ENOX1: variants seen among roughly 807,000 people sequenced by gnomAD.
ENOX1 encodes candidate growth-related and time keeping constitutive hydroquinone (NADH) oxidase.
ENOX1 carries 42 observed loss-of-function variants against 82.5 expected under a neutral mutation model. The ratio of observed to expected loss-of-function variants is 0.51; its 90% confidence interval spans 0.40 to 0.66. The LOEUF (loss-of-function observed/expected upper bound fraction) is 0.66, where lower values mean the gene tolerates loss of function less well. Among genes scored for constraint, ENOX1 ranks in the 30% least tolerant of loss-of-function variants. The pLI is 0.00. For missense variants in ENOX1, 608 were observed against 811.6 expected, an observed-to-expected ratio of 0.75 and a Z score of 3.05; for synonymous variants, 271 against 282.2, an observed-to-expected ratio of 0.96 and a Z score of 0.40.
intron 11 of ENOX1, among the ~76,000 whole-genome samples, chr13:43,313,038 T>C (rs2047296323): frequency 6.6e-6 from 1 of 152,220 alleles, no homozygotes; most frequent in Admixed American, 6.5e-5. Context: ...ATGGTATCAC[T>C]GAAGGCATTT....
intron 5 of ENOX1, among the ~76,000 whole-genome samples, chr13:43,392,401 G>T (rs535081126): frequency 6.6e-6 from 1 of 152,202 alleles, no homozygotes; most frequent in Non-Finnish European, 1.5e-5. Context: ...GTATGAGGCC[G>T]GGTGCACTGG....
intron 11 of ENOX1, among the ~76,000 whole-genome samples, chr13:43,315,156 T>C (rs2047407484): frequency 6.6e-6 from 1 of 152,350 alleles, no homozygotes. Context: ...TGTAATGTTA[T>C]AACACAATTT....
chr13:43,701,684 T>C (rs945435054), intron 1 of ENOX1, among the ~76,000 whole-genome samples: 2 of 152,196 alleles, frequency 1.3e-5, no homozygotes, highest in East Asian at 3.8e-4. Context: ...GGGATTTTTA[T>C]CTTTCAGGAT....
chr13:43,443,381 G>C (rs866434133), intron 3 of ENOX1, among the ~76,000 whole-genome samples: 5 of 152,150 alleles, frequency 3.3e-5, no homozygotes, highest in Non-Finnish European at 7.4e-5. Context: ...GGAAATTTCA[G>C]AAGACTATGA....
chr13:43,285,154 G>A (rs980164765), intron 12 of ENOX1, among the ~76,000 whole-genome samples: 4 of 152,138 alleles, frequency 2.6e-5, no homozygotes, highest in Non-Finnish European at 5.9e-5. Context: ...GTTAAACAGA[G>A]GAGAAAACAT....
intron 5 of ENOX1, among the ~76,000 whole-genome samples, chr13:43,361,830 T>C (rs9533461): frequency 0.39 from 58,597 of 151,938 alleles, 13,188 homozygotes; most frequent in Middle Eastern, 0.51. Context: ...TCATTTAACA[T>C]TGAAGTGCTC....
At position 43,643,648 on chromosome 13, in the gene ENOX1, T is replaced by TATAC. The variant is rs1291878348; in HGVS notation, c.-219+23830_-219+23831insGTAT. Among the ~76,000 whole-genome samples, 39 of 150,132 alleles carry TATAC rather than the reference T, an allele frequency of 2.6e-4. No homozygotes were observed. In the East Asian group the frequency reaches 6.6e-3, roughly 26 times the overall value. On this transcript the variant is annotated intron_variant, in intron 2 of 16. Transcript: ENST00000690772. ...ATGTGTGTGTGTATATATATATATA[T>TATAC]ACACACACATATATATATACATGCA...
intron 2 of ENOX1, among the ~76,000 whole-genome samples, chr13:43,623,287 G>A (rs958321625): frequency 2.6e-5 from 4 of 152,102 alleles, no homozygotes; most frequent in South Asian, 4.1e-4. Flanking sequence ...TTCTCATCCC[G>A]TTCAAATTGT....
chr13:43,342,323 G>A (rs899599797), intron 9 of ENOX1, among the ~76,000 whole-genome samples: 1 of 152,056 alleles, frequency 6.6e-6, no homozygotes, highest in African/African-American at 2.4e-5. Flanking sequence ...AGAAACAATG[G>A]GACTTCTTGA....
intron 10 of ENOX1, among the ~76,000 whole-genome samples, chr13:43,324,079 T>G (rs35417385): frequency 0.2 from 30,618 of 152,100 alleles, 4,032 homozygotes; most frequent in East Asian, 0.58. Context: ...CCACCCAGAA[T>G]AAACAGGTGC....
At chr13:43,460,576 C>T (rs1470002137) in intron 3 of ENOX1, among the ~76,000 whole-genome samples, 3 of 151,942 alleles carry the variant, frequency 2.0e-5, no homozygotes, top group East Asian at 1.9e-4. Context: ...TGAGGGATCA[C>T]GAGGTCAGGA....
In ENOX1 at chr13:43,760,208, T is replaced by G. The variant is rs187416427; in HGVS notation, c.-285+26444A>C. On this transcript the variant is annotated intron_variant, in intron 1 of 16. Coordinates refer to ENST00000690772, the MANE Select transcript of ENOX1 (RefSeq NM_001347969.2). ...TCATGAAAGAATATCCTGGTCTAAG[T>G]GCACTTTGTAGAAGGCTAGAATGTA... is the stretch of plus-strand genomic sequence containing the variant. Among the ~76,000 whole-genome samples the G allele has an allele frequency of 3.6e-4, 55 of 152,322 alleles. 1 individual carries two copies. The East Asian group carries it at 8.7e-3, about 24-fold the overall frequency.
chr13:43,215,217 T>TATTTA (rs1318245942), intron 16 of ENOX1, among the ~76,000 whole-genome samples: 2 of 152,228 alleles, frequency 1.3e-5, no homozygotes, highest in Non-Finnish European at 2.9e-5. Flanking sequence ...ATCAACTGTT[T>TATTTA]ATTTAATATT....
chr13:43,762,693 T>C (rs2153835933), intron 1 of ENOX1, among the ~76,000 whole-genome samples: 1 of 152,336 alleles, frequency 6.6e-6, no homozygotes, highest in South Asian at 2.1e-4. Context: ...GCACTCATGG[T>C]AGCCAGCTGT....
At chr13:43,461,306 C>T (rs1475288364) in intron 3 of ENOX1, among the ~76,000 whole-genome samples, 1 of 152,212 alleles carries the variant, frequency 6.6e-6, no homozygotes, top group African/African-American at 2.4e-5. Flanking sequence ...CAAGTTTCTA[C>T]TTCAACTTTA....
chr13:43,358,865 C>T (rs1566596957), intron 7 of ENOX1, among the ~76,000 whole-genome samples: 1 of 152,086 alleles, frequency 6.6e-6, no homozygotes, highest in Non-Finnish European at 1.5e-5. Context: ...TTTTGTATTG[C>T]TTTTAGTTTT....
chr13:43,273,888 T>C (rs1004261401), intron 12 of ENOX1, among the ~76,000 whole-genome samples: 5 of 152,246 alleles, frequency 3.3e-5, no homozygotes, highest in African/African-American at 1.2e-4. Context: ...TTAAGGTCAA[T>C]GATTAGGTTA....
chr13:43,775,859 T>C (rs1181393043), intron 1 of ENOX1, among the ~76,000 whole-genome samples: 1 of 152,198 alleles, frequency 6.6e-6, no homozygotes, highest in African/African-American at 2.4e-5. Context: ...TGTGCCTCCT[T>C]CCTTAAGGCA....
chr13:43,301,148 G>C (rs1384804448), intron 11 of ENOX1, among the ~76,000 whole-genome samples: 3 of 152,226 alleles, frequency 2.0e-5, no homozygotes, highest in Admixed American at 2.0e-4. Context: ...AGACACTTAA[G>C]TCATTTCCTT....
Sources: allele counts gnomAD v4.1 joint callset (sites outside exome capture counted in the v4.1 genomes callset), GRCh38; gene constraint gnomAD v4.1.1; transcripts MANE v1.5; gene names NCBI Gene and HGNC (gene_info 2026-07-23, HGNC 2026-07-21).